GPC5: variants seen among roughly 807,000 people sequenced by gnomAD.
The protein encoded by GPC5 is glypican-5.
A neutral mutation model predicts 53.9 loss-of-function variants in GPC5; 47 were observed. The ratio of observed to expected loss-of-function variants is 0.87; its 90% CI spans 0.69 to 1.11. The LOEUF (loss-of-function observed/expected upper bound fraction) is 1.11. Ranked by LOEUF, GPC5 falls within the 50% of genes most tolerant of loss-of-function variation. The probability of loss-of-function intolerance (pLI) is 0.00; values close to 1 mark genes in which losing one functional copy is unlikely to be tolerated. For synonymous variants in GPC5, 286 were observed against 263.3 expected (o/e 1.09, Z -0.84); for missense variants, 748 against 713.1 (o/e 1.05, Z -0.56).
chr13:92,318,469 A>C (rs1341244275), intron 7 of GPC5, among the ~76,000 whole-genome samples: 2 of 152,202 alleles, frequency 1.3e-5, no homozygotes, highest in East Asian at 3.9e-4. Context: ...AATATAACAA[A>C]TAAGTAGGAA....
chr13:91,830,463 TTAAAG>T (rs1489890908), intron 5 of GPC5, among the ~76,000 whole-genome samples: 11 of 151,854 alleles, frequency 7.2e-5, no homozygotes, highest in African/African-American at 2.7e-4. Flanking sequence ...GATTAGGAGA[TTAAAG>T]TAAAGACAGG....
chr13:92,713,750 G>A (rs1444073859), intron 7 of GPC5, among the ~76,000 whole-genome samples: 1 of 151,806 alleles, frequency 6.6e-6, no homozygotes, highest in African/African-American at 2.4e-5. Flanking sequence ...AGACCTATAA[G>A]AAATGTATTA....
chr13:91,865,239 T>A (rs2039071426), intron 5 of GPC5, among the ~76,000 whole-genome samples: 1 of 152,184 alleles, frequency 6.6e-6, no homozygotes, highest in Admixed American at 6.5e-5. Context: ...AAGTAAAATG[T>A]TAATTGATTT....
rs571290221 is a variant in GPC5 at position 91,881,555 on chromosome 13, T to A, written c.1281-26382T>A. Among the ~76,000 whole-genome samples the A allele has an allele frequency of 7.2e-5, 11 of 152,284 alleles. No individual in the cohort carries two copies. The South Asian group carries it at 2.3e-3, about 32-fold the overall frequency. On this transcript the variant is annotated intron_variant, in intron 5 of 7. Transcript: ENST00000377067. ...TATTGAGTCTCAGACTTCTCCTTCT[T>A]TTTTCTGAATGTGCATTTAGACCTT...
At chr13:92,741,289 A>G (rs893380870) in intron 7 of GPC5, among the ~76,000 whole-genome samples, 1 of 151,708 alleles carries the variant, frequency 6.6e-6, no homozygotes, top group Non-Finnish European at 1.5e-5. Context: ...TGGGAGCGGA[A>G]CTGGTTGCTT....
At chr13:92,559,073 G>A (rs1027360973) in intron 7 of GPC5, among the ~76,000 whole-genome samples, 1 of 151,908 alleles carries the variant, frequency 6.6e-6, no homozygotes, top group Non-Finnish European at 1.5e-5. Context: ...CAGCCAGCAA[G>A]AGACCAATGC....
intron 7 of GPC5, among the ~76,000 whole-genome samples, chr13:92,358,346 TG>T (rs1180347873): frequency 9.1e-6 from 1 of 109,904 alleles, no homozygotes; most frequent in African/African-American, 5.9e-5. Context: ...ACCCTGTGGC[TG>T]CTTTTTACAG....
At chr13:92,431,390 C>CTTTTTTT (rs3064652) in intron 7 of GPC5, among the ~76,000 whole-genome samples, 1 of 137,342 alleles carries the variant, frequency 7.3e-6, no homozygotes. Flanking sequence ...AAAGACACAG[C>CTTTTTTT]TTTTTTTTTT....
chr13:91,904,510 T>C (rs2039533009), intron 5 of GPC5, among the ~76,000 whole-genome samples: 1 of 152,036 alleles, frequency 6.6e-6, no homozygotes, highest in Admixed American at 6.6e-5. Flanking sequence ...TATTTTGGAG[T>C]GTGTGTTCCT....
At chr13:91,583,118 A>T (rs529690164) in intron 2 of GPC5, among the ~76,000 whole-genome samples, 37 of 152,342 alleles carry the variant, frequency 2.4e-4, no homozygotes, top group African/African-American at 8.9e-4. Flanking sequence ...ATTATACTTA[A>T]TAATAAAATG....
chr13:92,446,959 G>T (rs1488851445), intron 7 of GPC5: 1 of 152,034 alleles, frequency 6.6e-6, no homozygotes, highest in Non-Finnish European at 1.5e-5. Flanking sequence ...AAAATCTTTA[G>T]TCCATTTTTA....
chr13:92,274,456 A>G (rs2139159511), intron 7 of GPC5, among the ~76,000 whole-genome samples: 1 of 152,204 alleles, frequency 6.6e-6, no homozygotes. Context: ...AGTAACTCGT[A>G]CTTATTGTTT....
intron 7 of GPC5, among the ~76,000 whole-genome samples, chr13:92,538,484 T>G (rs1189367208): frequency 6.7e-6 from 1 of 150,078 alleles, no homozygotes; most frequent in Non-Finnish European, 1.5e-5. Context: ...TAATTACACT[T>G]TAAGTTCTGG....
chr13:91,579,842 G>A (rs183946014), intron 2 of GPC5, among the ~76,000 whole-genome samples: 5 of 151,638 alleles, frequency 3.3e-5, no homozygotes, highest in African/African-American at 9.7e-5. Flanking sequence ...GGCCTGGTTG[G>A]TCTCGAACTC....
chr13:91,856,100 A>G (rs2038964060), intron 5 of GPC5, among the ~76,000 whole-genome samples: 1 of 151,362 alleles, frequency 6.6e-6, no homozygotes, highest in Non-Finnish European at 1.5e-5. Flanking sequence ...AGATTCATTC[A>G]TGTTGTGTGT....
chr13:92,267,910 C>A (rs1251191966), intron 7 of GPC5, among the ~76,000 whole-genome samples: 5 of 151,966 alleles, frequency 3.3e-5, no homozygotes, highest in African/African-American at 1.2e-4. Context: ...CTTTTCATGA[C>A]CTGTTTCTTA....
intron 7 of GPC5, among the ~76,000 whole-genome samples, chr13:92,258,206 T>C (rs2042740952): frequency 6.6e-6 from 1 of 152,194 alleles, no homozygotes; most frequent in African/African-American, 2.4e-5. Context: ...GAGATTCTAA[T>C]GCAAATTCAC....
intron 7 of GPC5, among the ~76,000 whole-genome samples, chr13:92,662,433 C>T (rs898978448): frequency 6.9e-6 from 1 of 145,938 alleles, no homozygotes; most frequent in Non-Finnish European, 1.5e-5. Flanking sequence ...CTACTCAATG[C>T]TTCTAAACTA....
chr13:91,487,605 G>A (rs886526752), intron 2 of GPC5, among the ~76,000 whole-genome samples: 2 of 152,118 alleles, frequency 1.3e-5, no homozygotes, highest in African/African-American at 4.8e-5. Flanking sequence ...TTATATTTTG[G>A]GGTGAAATTC....
Sources: allele counts gnomAD v4.1 joint callset (sites outside exome capture counted in the v4.1 genomes callset), GRCh38; gene constraint gnomAD v4.1.1; transcripts MANE v1.5; gene names NCBI Gene and HGNC (gene_info 2026-07-23, HGNC 2026-07-21).